Variants in CCNJL observed in about 807,000 individuals in gnomAD.
CCNJL encodes the protein cyclin-J-like protein.
Under a neutral mutation model 33.4 loss-of-function variants are expected in CCNJL, and 33 were observed. The ratio of observed to expected loss-of-function variants is 0.99; its 90% CI spans 0.75 to 1.32. The LOEUF (loss-of-function observed/expected upper bound fraction) is 1.32, where lower values mean the gene tolerates loss of function less well. Ranked by LOEUF, CCNJL falls within the 40% of genes most tolerant of loss-of-function variation. CCNJL has a pLI of 0.00. For missense variants in CCNJL, 512 were observed against 499.7 expected, an observed-to-expected ratio of 1.02 and a Z score of -0.23; for synonymous variants, 227 against 220.9, an observed-to-expected ratio of 1.03 and a Z score of -0.24.
intron 2 of CCNJL, among the ~76,000 whole-genome samples, chr5:160,301,927 A>AC (rs1762936664): frequency 6.6e-6 from 1 of 150,554 alleles, no homozygotes. Flanking sequence ...ATGGGGCTTC[A>AC]CCATGTTGGC....
intron 3 of CCNJL, among the ~76,000 whole-genome samples, chr5:160,278,392 C>A (rs977062410): frequency 7.2e-5 from 11 of 152,098 alleles, no homozygotes; most frequent in African/African-American, 2.7e-4. Flanking sequence ...TAATTTGGTA[C>A]CAAATTAGCA....
At chr5:160,259,015 C>G (rs556503073) in intron 4 of CCNJL, among the ~76,000 whole-genome samples, 26 of 152,182 alleles carry the variant, frequency 1.7e-4, no homozygotes, top group Non-Finnish European at 3.8e-4. Flanking sequence ...CAGTTAACAT[C>G]TAGATTTTAA....
intron 4 of CCNJL, chr5:160,258,440 T>G (rs1172836267): frequency 9.9e-7 from 1 of 1,007,080 alleles, no homozygotes; most frequent in African/African-American, 1.6e-5. Flanking sequence ...ATGTTTCACA[T>G]GAAGAGGGCA....
chr5:160,311,322 A>G (rs993332725), intron 2 of CCNJL, among the ~76,000 whole-genome samples: 1 of 152,096 alleles, frequency 6.6e-6, no homozygotes, highest in Non-Finnish European at 1.5e-5. Flanking sequence ...CCCATTCTAG[A>G]TATACACATA....
In CCNJL at chr5:160,311,743, A is replaced by G. The variant is rs538232409; in HGVS notation, c.66+115T>C. On this transcript the variant is annotated intron_variant, in intron 2 of 5. Transcript: ENST00000257536. ...CCGGGAGAAGGTAAAGGGTAAGAGG[A>G]AAAAAAGGCACCCGGGAGTTCTGAG... is the stretch of plus-strand genomic sequence containing the variant. The G allele has an allele frequency of 4.6e-5, 44 of 949,246 alleles. No individual in the cohort carries two copies. In the Middle Eastern group the frequency reaches 1.3e-3, roughly 27 times the overall value. 58.8% of individuals were successfully genotyped at this position (949,246 alleles called of 1,614,324 possible).
chr5:160,291,410 C>A (rs1762581227), intron 2 of CCNJL, among the ~76,000 whole-genome samples: 1 of 152,100 alleles, frequency 6.6e-6, no homozygotes, highest in African/African-American at 2.4e-5. Flanking sequence ...CCTATATTAG[C>A]CCAGTAGAGG....
chr5:160,325,947 C>CAA (rs894154268), intron 1 of CCNJL, among the ~76,000 whole-genome samples: 1 of 152,178 alleles, frequency 6.6e-6, no homozygotes, highest in Non-Finnish European at 1.5e-5. Context: ...GTAGTTGAGA[C>CAA]AGAGACTCTA....
At chr5:160,320,981 T>C (rs932546814) in intron 1 of CCNJL, among the ~76,000 whole-genome samples, 4 of 114,798 alleles carry the variant, frequency 3.5e-5, no homozygotes, top group Admixed American at 8.1e-5. Flanking sequence ...TCCCTCCCTC[T>C]CTCTCTTTCT....
chr5:160,335,601 G>A (rs1228942003), intron 1 of CCNJL, among the ~76,000 whole-genome samples: 6 of 151,894 alleles, frequency 4.0e-5, no homozygotes, highest in Admixed American at 3.9e-4. Flanking sequence ...TTGAGATGGG[G>A]TCTCTGTTGC....
At chr5:160,290,834 T>C (rs1462747479) in intron 2 of CCNJL, among the ~76,000 whole-genome samples, 1 of 151,878 alleles carries the variant, frequency 6.6e-6, no homozygotes, top group African/African-American at 2.4e-5. Flanking sequence ...ACATTATTTG[T>C]TCCTGATCTT....
At chr5:160,306,290 A>AAAAAAT (rs1490043816) in intron 2 of CCNJL, among the ~76,000 whole-genome samples, 2 of 151,632 alleles carry the variant, frequency 1.3e-5, no homozygotes, top group African/African-American at 4.8e-5. Context: ...AAAAAAAAAA[A>AAAAAAT]AAGCGGTCTC....
At chr5:160,325,179 G>A (rs925982565) in intron 1 of CCNJL, among the ~76,000 whole-genome samples, 1 of 152,196 alleles carries the variant, frequency 6.6e-6, no homozygotes, top group African/African-American at 2.4e-5. Context: ...TTGGCTCTGA[G>A]TTAAGAGCTC....
intron 3 of CCNJL, among the ~76,000 whole-genome samples, chr5:160,262,020 C>T (rs1342583304): frequency 6.6e-6 from 1 of 152,138 alleles, no homozygotes; most frequent in African/African-American, 2.4e-5. Context: ...AGTTTTTTCT[C>T]CAATGATCAT....
intron 2 of CCNJL, among the ~76,000 whole-genome samples, chr5:160,310,807 A>C (rs1235825290): frequency 2.0e-5 from 3 of 152,174 alleles, no homozygotes; most frequent in Non-Finnish European, 2.9e-5. Context: ...GGAATGATGT[A>C]CCTACAAGCC....
At chr5:160,326,939 A>G in intron 1 of CCNJL, 2 of 633,260 alleles carry the variant, frequency 3.2e-6, no homozygotes, top group Non-Finnish European at 3.0e-6. Context: ...CTAAAAGGAC[A>G]TAATATTACT....
At chr5:160,316,212 C>G (rs1320964714), upstream of CCNJL, among the ~76,000 whole-genome samples, 2 of 152,126 alleles carry the variant, frequency 1.3e-5, no homozygotes, top group Admixed American at 6.5e-5. Flanking sequence ...GCAGGAAGTA[C>G]CAATGCAACT....
chr5:160,278,834 T>C (rs1415306917), intron 3 of CCNJL, among the ~76,000 whole-genome samples: 1 of 152,148 alleles, frequency 6.6e-6, no homozygotes, highest in Non-Finnish European at 1.5e-5. Context: ...CTGCTTGAAA[T>C]ACGATGCCCA....
rs200091163 is a variant in CCNJL, at chr5:160,265,858, GAAAAAAAAAA to G, written c.281-6097_281-6088del. Among the ~76,000 whole-genome samples the G allele has an allele frequency of 3.4e-4, 33 of 97,180 alleles. No individual in the cohort carries two copies. The East Asian group carries it at 9.5e-3, about 28-fold the overall frequency. 63.8% of individuals were successfully genotyped at this position (97,180 alleles called of 152,430 possible). On this transcript the variant is annotated intron_variant, in intron 3 of 5. Transcript: ENST00000257536. ...ACAGAGCGAGACTCCGTCTCCAGGG[GAAAAAAAAAA>G]AAAAAAAAGAAAAAAGAAATGCAAT...
chr5:160,319,668 A>G (rs1763417049), intron 1 of CCNJL, among the ~76,000 whole-genome samples: 2 of 152,204 alleles, frequency 1.3e-5, no homozygotes, highest in Admixed American at 1.3e-4. Context: ...CAGTGACTCA[A>G]GTCTGGAATC....
Sources: gnomAD v4.1 joint callset for allele counts (sites outside exome capture counted in the v4.1 genomes callset) on GRCh38, gnomAD v4.1.1 for gene constraint, MANE v1.5 for transcripts, NCBI Gene and HGNC (gene_info 2026-07-23, HGNC 2026-07-21) for gene names.